PVT1: variants seen among roughly 807,000 people sequenced by gnomAD.
PVT1 encodes the protein Pvt1 oncogene, also known as CXCR4/PVT1 fusion.
intron 6 of PVT1, among the ~76,000 whole-genome samples, chr8:128,098,623 AGAT>A (rs1397891810): frequency 6.6e-6 from 1 of 152,204 alleles, no homozygotes; most frequent in African/African-American, 2.4e-5. Flanking sequence ...AAAATGATGA[AGAT>A]GATAACTACC....
chr8:127,888,209 G>A (rs1326473524), intron 2 of PVT1, among the ~76,000 whole-genome samples: 1 of 152,120 alleles, frequency 6.6e-6, no homozygotes, highest in African/African-American at 2.4e-5. Context: ...CAAAGTGCTG[G>A]GATTACAGGC....
chr8:127,818,569 C>T (rs937508078), intron 2 of PVT1, among the ~76,000 whole-genome samples: 1 of 152,102 alleles, frequency 6.6e-6, no homozygotes, highest in South Asian at 2.1e-4. Flanking sequence ...TTCAGATATT[C>T]GGTGAGAGAC....
chr8:127,805,856 C>G (rs951089103), intron 2 of PVT1, among the ~76,000 whole-genome samples: 3 of 152,042 alleles, frequency 2.0e-5, no homozygotes, highest in Admixed American at 6.6e-5. Context: ...TACTGAAATA[C>G]TGTCTGAGGA....
chr8:127,929,386 C>G (rs984187681), intron 3 of PVT1, among the ~76,000 whole-genome samples: 1 of 152,100 alleles, frequency 6.6e-6, no homozygotes, highest in Non-Finnish European at 1.5e-5. Flanking sequence ...GTTGTCATCA[C>G]AGTTGACTTA....
intron 2 of PVT1, chr8:127,803,192 GA>G (rs1411598037): frequency 1.4e-5 from 2 of 143,224 alleles, no homozygotes; most frequent in Non-Finnish European, 3.0e-5. Context: ...GCAGTGGCGA[GA>G]TCTCGGCTCA....
chr8:127,982,998 G>A (rs1035919505), intron 3 of PVT1, among the ~76,000 whole-genome samples: 4 of 152,190 alleles, frequency 2.6e-5, no homozygotes, highest in Non-Finnish European at 4.4e-5. Flanking sequence ...AGGGAGACAC[G>A]GGTCTGGGCT....
At chr8:127,799,564 AACAG>A (rs966276976) in intron 2 of PVT1, among the ~76,000 whole-genome samples, 52 of 152,262 alleles carry the variant, frequency 3.4e-4, no homozygotes, top group African/African-American at 1.2e-3. Flanking sequence ...AAAGAAGGAA[AACAG>A]ACAGTAGCAG....
At chr8:127,884,289 A>ACG (rs1483240727) in intron 2 of PVT1, among the ~76,000 whole-genome samples, 4 of 152,200 alleles carry the variant, frequency 2.6e-5, no homozygotes, top group Admixed American at 6.5e-5. Flanking sequence ...TTTGTGGGAT[A>ACG]TATTCATGTG....
intron 3 of PVT1, among the ~76,000 whole-genome samples, chr8:127,920,587 A>G (rs986704550): frequency 2.0e-5 from 3 of 152,328 alleles, no homozygotes; most frequent in South Asian, 2.1e-4. Flanking sequence ...AATGTTAGCT[A>G]TTGATATTGG....
intron 2 of PVT1, among the ~76,000 whole-genome samples, chr8:127,829,739 T>G (rs1188971203): frequency 6.6e-6 from 1 of 152,198 alleles, no homozygotes; most frequent in Non-Finnish European, 1.5e-5. Context: ...CTGGAGACAA[T>G]ATTGGTAAGA....
intron 4 of PVT1, chr8:127,998,302 TG>T (rs1817130451): frequency 6.6e-6 from 1 of 152,232 alleles, no homozygotes. Context: ...TTTTTCTACC[TG>T]GGAGATTTAA....
At chr8:128,068,744 G>A (rs140542516) in intron 4 of PVT1, among the ~76,000 whole-genome samples, 4,259 of 152,234 alleles carry the variant, frequency 0.028, 133 homozygotes, top group East Asian at 0.14. Flanking sequence ...CACCTGTCTC[G>A]GCCTCTCAAA....
At chr8:128,041,104 G>A (rs1336383596) in intron 4 of PVT1, among the ~76,000 whole-genome samples, 1 of 151,666 alleles carries the variant, frequency 6.6e-6, no homozygotes, top group Non-Finnish European at 1.5e-5. Context: ...GTGCTTGTGT[G>A]TGATTGTGTG....
intron 3 of PVT1, among the ~76,000 whole-genome samples, chr8:127,901,330 G>A (rs1406731056): frequency 6.6e-6 from 1 of 152,134 alleles, no homozygotes; most frequent in Non-Finnish European, 1.5e-5. Context: ...AGGAAGAGGG[G>A]TGGGGGACCC....
chr8:127,829,760 A>G (rs1243302659), intron 2 of PVT1, among the ~76,000 whole-genome samples: 2 of 152,172 alleles, frequency 1.3e-5, no homozygotes, highest in African/African-American at 4.8e-5. Context: ...TGCTGTGTTC[A>G]TTTCCTAGGG....
At chr8:127,822,157 C>G (rs4733789) in intron 2 of PVT1, among the ~76,000 whole-genome samples, 2 of 152,002 alleles carry the variant, frequency 1.3e-5, no homozygotes, top group Non-Finnish European at 2.9e-5. Context: ...GTGTCTGGCC[C>G]GTTTTAAGAG....
intron 5 of PVT1, among the ~76,000 whole-genome samples, chr8:128,089,418 AC>A (rs1203533180): frequency 4.0e-5 from 6 of 151,194 alleles, no homozygotes; most frequent in Admixed American, 6.6e-5. Flanking sequence ...CATGACCATC[AC>A]CCCCCAATAA....
rs557727534 is a variant in PVT1, at chr8:127,961,838, C to A, written n.783-27324C>A. Among the ~76,000 whole-genome samples the A allele has an allele frequency of 4.6e-5, 7 of 152,364 alleles. No individual in the cohort carries two copies. The South Asian group carries it at 1.4e-3, about 32-fold the overall frequency. On this transcript the variant is annotated intron_variant and non_coding_transcript_variant, in intron 3 of 10. Coordinates refer to ENST00000651587, the Ensembl canonical transcript of PVT1. The stretch of plus-strand genomic sequence containing the variant: ...GCCTTCAGGAGCTCCAGAGGCCCCC[C>A]CTGCCCGAGTCTGACTCCTGGTTTC...
At chr8:128,057,943 T>G in intron 4 of PVT1, among the ~76,000 whole-genome samples, 1 of 152,200 alleles carries the variant, frequency 6.6e-6, no homozygotes, top group East Asian at 1.9e-4. Flanking sequence ...CAGAAGGTCT[T>G]CCGTCAAATT....
Sources: gnomAD v4.1 joint callset for allele counts (sites outside exome capture counted in the v4.1 genomes callset) on GRCh38, gnomAD v4.1.1 for gene constraint, MANE v1.5 for transcripts, NCBI Gene and HGNC (gene_info 2026-07-23, HGNC 2026-07-21) for gene names.